The following FRY variants were observed in gnomAD, a reference collection of about 807,000 sequenced individuals.
The protein encoded by FRY is protein furry homolog.
In FRY, 128 loss-of-function variants were observed where a neutral mutation model predicts 348.4. The ratio of observed to expected loss-of-function variants is 0.37; its 90% confidence interval spans 0.32 to 0.43. The LOEUF (loss-of-function observed/expected upper bound fraction) is 0.43. Ranked by LOEUF, FRY falls within the 20% of genes least tolerant of loss-of-function variation. FRY has a pLI of 1.00. For missense variants in FRY, 2,736 were observed against 3,695.2 expected (o/e 0.74, Z 6.73); for synonymous variants, 1,370 against 1,374.7 (o/e 1.00, Z 0.08).
chr13:32,063,186 C>T (rs182986463), intron 1 of FRY, among the ~76,000 whole-genome samples: 2 of 152,262 alleles, frequency 1.3e-5, no homozygotes. Flanking sequence ...GTTGCTGGCA[C>T]TGTCTTTGGC....
intron 3 of FRY, among the ~76,000 whole-genome samples, chr13:32,111,317 A>G (rs775785824): frequency 1.3e-5 from 2 of 151,740 alleles, no homozygotes; most frequent in Admixed American, 6.6e-5. Context: ...GTGAAACCCC[A>G]TCTCTACTAA....
intron 3 of FRY, among the ~76,000 whole-genome samples, chr13:32,108,408 A>G (rs1393978541): frequency 6.6e-6 from 1 of 152,240 alleles, no homozygotes; most frequent in Non-Finnish European, 1.5e-5. Flanking sequence ...CAGAAAAATG[A>G]CACTATCAGT....
chr13:32,192,826 C>T (rs1438062666), intron 28 of FRY, among the ~76,000 whole-genome samples: 1 of 149,802 alleles, frequency 6.7e-6, no homozygotes, highest in Non-Finnish European at 1.5e-5. Context: ...TCACTGCAAC[C>T]TCTGCCTCCC....
intron 33 of FRY, 131 bp downstream of exon 33, chr13:32,209,862 G>T: frequency 3.3e-6 from 3 of 906,958 alleles, no homozygotes. Flanking sequence ...TCTCCTGTGA[G>T]CTCATCCAGA....
intron 54 of FRY, among the ~76,000 whole-genome samples, chr13:32,266,034 T>C (rs989848241): frequency 1.3e-5 from 2 of 151,974 alleles, no homozygotes; most frequent in African/African-American, 4.8e-5. Context: ...TGGTGGCTGA[T>C]ATTTCTGAGA....
At position 32,267,253 on chromosome 13, in the gene FRY, G is replaced by C. The variant is rs747188878; in HGVS notation, c.8030G>C (p.Cys2677Ser). The change falls in exon 55 of 61, where the codon TGT becomes TCT. Residue 2677 changes from cysteine to serine, a missense_variant. Physicochemically the swap from Cys to Ser is moderately radical, Grantham distance 112. This residue lies in a region of FRY where 789 missense variants were observed against 996.2 expected (regional missense o/e 0.79). Coordinates refer to ENST00000542859, the MANE Select transcript of FRY (RefSeq NM_023037.3). ...CTTGCCGCCTTTCAGCCCGCAGCCT[G>C]TGACGATGCCGAGGAGGCCTGGCGC... The part of the protein sequence containing the change: ...AILAAFQPAA[C>S]DDAEEAWRSH... The C allele has an allele frequency of 6.2e-6, 10 of 1,614,072 alleles. No homozygotes were observed. The East Asian group carries it at 1.8e-4, about 29-fold the overall frequency.
intron 4 of FRY, among the ~76,000 whole-genome samples, chr13:32,120,716 C>CAATG (rs1241314133): frequency 6.6e-6 from 1 of 152,202 alleles, no homozygotes; most frequent in African/African-American, 2.4e-5. Flanking sequence ...GGCTGGAGTG[C>CAATG]AATGGCATGA....
chr13:32,115,986 A>G (rs748862390), intron 3 of FRY, among the ~76,000 whole-genome samples: 2 of 152,084 alleles, frequency 1.3e-5, no homozygotes, highest in East Asian at 3.9e-4. Flanking sequence ...ATATTTTTAT[A>G]TTTATATTAA....
At chr13:32,170,531 T>A (rs1052039972) in intron 17 of FRY, among the ~76,000 whole-genome samples, 21 of 152,180 alleles carry the variant, frequency 1.4e-4, no homozygotes, top group Non-Finnish European at 2.6e-4. Flanking sequence ...AAGTTTGTTT[T>A]GTTTTGTTTT....
At chr13:32,122,481 C>T (rs773606900) in intron 4 of FRY, among the ~76,000 whole-genome samples, 4 of 151,626 alleles carry the variant, frequency 2.6e-5, no homozygotes, top group Admixed American at 6.6e-5. Flanking sequence ...AGACAAAATC[C>T]GGCATCTCTT....
chr13:32,209,431 T>G (rs1884551555), intron 32 of FRY, among the ~76,000 whole-genome samples, 154 bp from the exon 33 acceptor site: 1 of 152,216 alleles, frequency 6.6e-6, no homozygotes. Context: ...TTAACTACTG[T>G]TTACTGAAAG....
chr13:32,143,666 G>A (rs970239674), intron 11 of FRY, among the ~76,000 whole-genome samples: 2 of 152,130 alleles, frequency 1.3e-5, no homozygotes, highest in African/African-American at 4.8e-5. Context: ...GATATGCTAT[G>A]CAAATATAAA....
intron 59 of FRY, among the ~76,000 whole-genome samples, chr13:32,291,463 T>C (rs1227017163): frequency 6.6e-6 from 1 of 151,688 alleles, no homozygotes; most frequent in Non-Finnish European, 1.5e-5. Flanking sequence ...TGGAGTGCAA[T>C]GGCACAATCT....
chr13:32,129,059 C>CAT (rs1879197394), intron 7 of FRY, among the ~76,000 whole-genome samples: 2 of 152,162 alleles, frequency 1.3e-5, no homozygotes, highest in African/African-American at 4.8e-5. Context: ...CCTGTGTCTT[C>CAT]ATATGGTCTT....
At chr13:32,156,747 A>G (rs1292004403) in intron 15 of FRY, among the ~76,000 whole-genome samples, 1 of 152,182 alleles carries the variant, frequency 6.6e-6, no homozygotes, top group Non-Finnish European at 1.5e-5. Flanking sequence ...GTGGGACATC[A>G]ACACTGTAGT....
chr13:32,193,591 C>CTTTTTGTTTT, intron 28 of FRY, among the ~76,000 whole-genome samples: 1 of 130,300 alleles, frequency 7.7e-6, no homozygotes, highest in African/African-American at 2.9e-5. Context: ...AGTCTTCGTC[C>CTTTTTGTTTT]TTTTTTTTTT....
chr13:32,095,768 T>A (rs953430033), intron 2 of FRY, among the ~76,000 whole-genome samples: 4 of 152,158 alleles, frequency 2.6e-5, no homozygotes, highest in African/African-American at 9.7e-5. Context: ...TTCCCCAATG[T>A]TTTCTTGTAC....
chr13:32,108,472 T>G (rs1346284960), intron 3 of FRY, among the ~76,000 whole-genome samples: 1 of 152,226 alleles, frequency 6.6e-6, no homozygotes, highest in Non-Finnish European at 1.5e-5. Context: ...AAGGCATGTA[T>G]TGTTAAAGGA....
intron 3 of FRY, among the ~76,000 whole-genome samples, chr13:32,104,282 A>T (rs918340688): frequency 6.6e-6 from 1 of 152,166 alleles, no homozygotes; most frequent in Non-Finnish European, 1.5e-5. Flanking sequence ...TTTGTCACTT[A>T]ATTAGCTATA....
Sources: allele counts gnomAD v4.1 joint callset (sites outside exome capture counted in the v4.1 genomes callset), GRCh38; gene constraint gnomAD v4.1.1; regional missense constraint gnomAD v4.1.1; transcripts MANE v1.5; gene names NCBI Gene and HGNC (gene_info 2026-07-23, HGNC 2026-07-21).